The following HERC2 variants were observed in gnomAD, a reference collection of about 807,000 sequenced individuals.
HERC2 encodes HECT and RLD domain containing E3 ubiquitin protein ligase 2, also known as E3 ubiquitin-protein ligase HERC2.
Under a neutral mutation model 537.7 loss-of-function variants are expected in HERC2, and 102 were observed. The observed-to-expected ratio is 0.19, with a 90% CI of 0.16 to 0.22. The LOEUF (loss-of-function observed/expected upper bound fraction) is 0.22. Among genes scored for constraint, HERC2 ranks in the 10% least tolerant of loss-of-function variants. The pLI, the probability that HERC2 is intolerant of heterozygous loss-of-function variation, is 1.00. For missense variants in HERC2, 4,236 were observed against 6,198.2 expected (o/e 0.68, Z 10.63); for synonymous variants, 2,224 against 2,466.2 (o/e 0.90, Z 2.91).
chr15:28,158,801 C>A (rs1596082211), intron 69 of HERC2, among the ~76,000 whole-genome samples: 1 of 152,146 alleles, frequency 6.6e-6, no homozygotes, highest in Non-Finnish European at 1.5e-5. Context: ...GGTTATTTTG[C>A]TCGTTAGTTG....
chr15:28,256,407 A>G (rs1334943935), intron 17 of HERC2, 90 bp from the exon 18 acceptor site: 1 of 878,364 alleles, frequency 1.1e-6, no homozygotes. Flanking sequence ...GTCAATTTCA[A>G]GTATTATTTA....
chr15:28,262,513 T>C (rs1168162679), intron 15 of HERC2, among the ~76,000 whole-genome samples: 1 of 152,182 alleles, frequency 6.6e-6, no homozygotes, highest in African/African-American at 2.4e-5. Flanking sequence ...GTGTCCCAAG[T>C]GGACCCAATC....
intron 71 of HERC2, among the ~76,000 whole-genome samples, chr15:28,145,463 A>C (rs1891639670): frequency 6.6e-6 from 1 of 152,186 alleles, no homozygotes; most frequent in Admixed American, 6.5e-5. Flanking sequence ...ACATCCAACA[A>C]CACTACTGAA....
At chr15:28,129,186 C>G (rs988417759) in intron 83 of HERC2, among the ~76,000 whole-genome samples, 4 of 152,222 alleles carry the variant, frequency 2.6e-5, no homozygotes, top group African/African-American at 9.6e-5. Flanking sequence ...TTACAAGACT[C>G]AGCATACACT....
intron 70 of HERC2, among the ~76,000 whole-genome samples, chr15:28,152,302 C>T (rs573043671): frequency 2.4e-4 from 36 of 152,324 alleles, no homozygotes; most frequent in African/African-American, 7.7e-4. Flanking sequence ...AAGATATACA[C>T]GTGGGTAACA....
At chr15:28,314,103 G>A (rs1234189840) in intron 2 of HERC2, among the ~76,000 whole-genome samples, 2 of 152,162 alleles carry the variant, frequency 1.3e-5, no homozygotes, top group African/African-American at 4.8e-5. Flanking sequence ...ATCCTCTCTG[G>A]GGGAAGTTAT....
chr15:28,230,326 A>C, intron 31 of HERC2, 41 bp downstream of exon 31: 1 of 1,578,770 alleles, frequency 6.3e-7, no homozygotes. Flanking sequence ...ACATGCTATG[A>C]TTCTATTCAG....
chr15:28,213,911 A>G lies in HERC2; in HGVS notation c.6617T>C (p.Val2206Ala). The G allele has an allele frequency of 6.2e-7, 1 of 1,613,994 alleles. No homozygotes were observed. The highest frequency in any genetic ancestry group is 8.5e-7 in the Non-Finnish European group (1 of 1,180,014). Reference sequence around the variant, plus strand: ...ATCGATGCCTCCAATCACAGCCAGGACTGCCATGAGGCCCCCCACTTCAGG... The same window carrying G: ...ATCGATGCCTCCAATCACAGCCAGGGCTGCCATGAGGCCCCCCACTTCAGG... The part of the protein sequence containing the change: ...ENPEVGGLMA[V>A]LAVIGGIDGR... Residue 2206 changes from valine (V) to alanine (A), a missense_variant, in exon 42 of 93, where the codon GTC becomes GCC. Coordinates refer to ENST00000261609, the MANE Select transcript of HERC2 (RefSeq NM_004667.6).
rs1047551993 is a variant in HERC2, at chr15:28,255,776, TAG to T, written c.2871+94_2871+95del. The T allele has an allele frequency of 1.1e-5, 15 of 1,324,142 alleles. No homozygotes were observed. In the South Asian group the frequency reaches 2.1e-4, roughly 18 times the overall value. The allele number at this position is 1,324,142 out of a possible 1,614,324, so 82.0% of individuals were successfully genotyped here. On this transcript the variant is annotated intron_variant, in intron 19 of 92. Transcript: ENST00000261609. ...AAAATACTTGGATATGATAAAAGTT[TAG>T]AGTTTTACTGTTTTCAGTTATTCTT...
chr15:28,144,599 C>G, intron 72 of HERC2, 74 bp downstream of exon 72: 1 of 1,597,720 alleles, frequency 6.3e-7, no homozygotes. Flanking sequence ...TGGACATGTG[C>G]ACGTGTCCCT....
chr15:28,163,416 T>A, intron 68 of HERC2, 131 bp from the exon 69 acceptor site: 1 of 752,214 alleles, frequency 1.3e-6, no homozygotes, highest in South Asian at 2.0e-5. Context: ...GTTTAAGACC[T>A]TAAGAAACAG....
Position 28,238,108 on chromosome 15 carries a change from C to A in HERC2, c.3852+6G>T, listed in dbSNP as rs775482178. 1.6e-5 allele frequency: 25 copies of A among 1,592,684 alleles called. No homozygotes were observed. Among genetic ancestry groups the A allele is most frequent in the Non-Finnish European group, 2.1e-5 (24 of 1,162,398 alleles). ...CCTCTGCATCACTCAAGGCATACAG[C>A]CTCACCTCCAAATACTGGCCAACAC... On this transcript the variant is annotated splice_donor_region_variant and intron_variant, in intron 25 of 92. Coordinates refer to ENST00000261609, the MANE Select transcript of HERC2 (RefSeq NM_004667.6).
At chr15:28,159,106 G>A (rs1357920985) in intron 69 of HERC2, among the ~76,000 whole-genome samples, 7 of 152,120 alleles carry the variant, frequency 4.6e-5, no homozygotes, top group African/African-American at 1.4e-4. Flanking sequence ...CCAGAGATCC[G>A]CTGTTAGTCT....
rs918429734 is a variant in HERC2 at position 28,194,980 on chromosome 15, CG to C, written c.8260+1234del. On this transcript the variant is annotated intron_variant, in intron 52 of 92. Coordinates refer to ENST00000261609, the MANE Select transcript of HERC2 (RefSeq NM_004667.6). Reference sequence around the variant, plus strand: ...CTGATGCAGGAGAATTGCTTGAGCCCGGGAGGTGTCAGTTACAGTGAGCCAG... The same window carrying C: ...CTGATGCAGGAGAATTGCTTGAGCCCGGAGGTGTCAGTTACAGTGAGCCAG... 8.8e-4 allele frequency among the ~76,000 whole-genome samples: 132 copies of C among 149,424 alleles called. 3 individuals are homozygous for C. Among genetic ancestry groups the C allele is most frequent in the African/African-American group, 3.0e-3 (120 of 40,618 alleles).
chr15:28,245,564 TATACACACACACACACACAC>T (rs1434913191), intron 23 of HERC2, among the ~76,000 whole-genome samples: 8 of 108,960 alleles, frequency 7.3e-5, no homozygotes, highest in Non-Finnish European at 1.0e-4. Flanking sequence ...AAAAAAAATA[TATACACACACACACACACAC>T]ACACACACAC....
In HERC2 at chr15:28,253,684, G is replaced by A. The variant is rs534102890; in HGVS notation, c.3050+656C>T. Among the ~76,000 whole-genome samples, 518 of 152,288 alleles carry A rather than the reference G, an allele frequency of 3.4e-3. 3 individuals are homozygous for A. The highest frequency in any genetic ancestry group is 0.012 in the African/African-American group (486 of 41,560). On this transcript the variant is annotated intron_variant, in intron 20 of 92. Coordinates refer to ENST00000261609, the MANE Select transcript of HERC2 (RefSeq NM_004667.6). The stretch of plus-strand genomic sequence containing the variant: ...CACCTACTAAAATACAATACAGGCC[G>A]GGAACAGTGGCTTACGCCTGAAATC...
chr15:28,155,236 G>A (rs1892876817), intron 69 of HERC2, among the ~76,000 whole-genome samples: 1 of 152,066 alleles, frequency 6.6e-6, no homozygotes, highest in African/African-American at 2.4e-5. Flanking sequence ...ATGTGTGCAT[G>A]TGTCTTTATA....
At chr15:28,257,675 G>A (rs1361038263) in intron 16 of HERC2, among the ~76,000 whole-genome samples, 4 of 151,966 alleles carry the variant, frequency 2.6e-5, no homozygotes, top group South Asian at 4.1e-4. Flanking sequence ...CTAAGAGAAC[G>A]GTGGAACACT....
chr15:28,181,284 A>C, intron 57 of HERC2, among the ~76,000 whole-genome samples: 1 of 152,186 alleles, frequency 6.6e-6, no homozygotes. Context: ...GGCAGTGAGC[A>C]AGGTCATAGG....
Sources: allele counts gnomAD v4.1 joint callset (sites outside exome capture counted in the v4.1 genomes callset), GRCh38; gene constraint gnomAD v4.1.1; transcripts MANE v1.5; gene names NCBI Gene and HGNC (gene_info 2026-07-23, HGNC 2026-07-21).